The following GPC5 variants were observed in gnomAD, a reference collection of about 807,000 sequenced individuals.
GPC5 encodes glypican-5.
GPC5 carries 47 observed loss-of-function variants against 53.9 expected under a neutral mutation model. That is an observed-to-expected ratio of 0.87 (90% CI 0.69 to 1.11). GPC5 has a LOEUF of 1.11. Ranked by LOEUF, GPC5 falls within the 50% of genes most tolerant of loss-of-function variation. The pLI is 0.00. For missense variants in GPC5, 748 were observed against 713.1 expected, an observed-to-expected ratio of 1.05 and a Z score of -0.56; for synonymous variants, 286 against 263.3, an observed-to-expected ratio of 1.09 and a Z score of -0.84.
intron 2 of GPC5, among the ~76,000 whole-genome samples, chr13:91,643,698 G>A (rs1263077718): frequency 1.3e-5 from 2 of 152,086 alleles, no homozygotes; most frequent in African/African-American, 2.4e-5. Flanking sequence ...CAGCTTGCTG[G>A]CAATGGCATT....
At chr13:92,850,961 C>T (rs776107684) in intron 7 of GPC5, among the ~76,000 whole-genome samples, 3 of 152,172 alleles carry the variant, frequency 2.0e-5, no homozygotes, top group African/African-American at 4.8e-5. Context: ...TAAATTGGCT[C>T]ATGGTTCTTT....
At chr13:92,304,440 G>A (rs2043097197) in intron 7 of GPC5, among the ~76,000 whole-genome samples, 1 of 151,986 alleles carries the variant, frequency 6.6e-6, no homozygotes, top group South Asian at 2.1e-4. Flanking sequence ...TCCTGACCTT[G>A]TGATCCGCCT....
At chr13:91,529,592 T>A (rs77918584) in intron 2 of GPC5, among the ~76,000 whole-genome samples, 1 of 150,178 alleles carries the variant, frequency 6.7e-6, no homozygotes, top group East Asian at 2.0e-4. Flanking sequence ...AAAGTAATCA[T>A]GCAGTAAGTG....
intron 7 of GPC5, among the ~76,000 whole-genome samples, chr13:92,164,596 GGT>G (rs1399376250): frequency 1.3e-5 from 2 of 152,162 alleles, no homozygotes; most frequent in Non-Finnish European, 2.9e-5. Flanking sequence ...TTCACAGGCT[GGT>G]GTTGAGTGTC....
intron 7 of GPC5, among the ~76,000 whole-genome samples, chr13:92,436,067 T>A (rs552040002): frequency 6.6e-6 from 1 of 152,332 alleles, no homozygotes; most frequent in Admixed American, 6.5e-5. Context: ...TATTTTGATA[T>A]TAAAATTATT....
intron 7 of GPC5, among the ~76,000 whole-genome samples, chr13:92,395,907 GTT>G (rs71123404): frequency 3.8e-4 from 50 of 130,654 alleles, no homozygotes; most frequent in African/African-American, 1.2e-3. Context: ...GTTTGTTTCT[GTT>G]TTTTTTTTTT....
At chr13:91,675,117 T>C (rs2035351921) in intron 2 of GPC5, among the ~76,000 whole-genome samples, 2 of 151,654 alleles carry the variant, frequency 1.3e-5, no homozygotes, top group Admixed American at 1.3e-4. Flanking sequence ...CTTTCTTCCT[T>C]TCCCTAGGGC....
chr13:91,432,957 G>A (rs536254431), intron 1 of GPC5, among the ~76,000 whole-genome samples: 5 of 152,116 alleles, frequency 3.3e-5, no homozygotes, highest in African/African-American at 1.2e-4. Context: ...TGCCCTTAGG[G>A]AGAAAGGAAA....
chr13:92,752,008 A>G (rs1306228230), intron 7 of GPC5, among the ~76,000 whole-genome samples: 7 of 151,994 alleles, frequency 4.6e-5, no homozygotes. Context: ...ATATAATAGT[A>G]TCTGTTTTAA....
At chr13:91,725,736 C>T (rs1159705273) in intron 3 of GPC5, among the ~76,000 whole-genome samples, 1 of 152,094 alleles carries the variant, frequency 6.6e-6, no homozygotes, top group Non-Finnish European at 1.5e-5. Context: ...GAAACATGTT[C>T]AATAAATAGC....
At position 92,410,458 on chromosome 13, in the gene GPC5, C is replaced by T. The variant is rs1336240392; in HGVS notation, c.1561+265469C>T. On this transcript the variant is annotated intron_variant, in intron 7 of 7. Transcript: ENST00000377067. Reference sequence around the variant, plus strand: ...TTTATCCTGTTCACTCATTTGAGGACAACTGTACTACCAGAAAGGGAACTA... The same window carrying T: ...TTTATCCTGTTCACTCATTTGAGGATAACTGTACTACCAGAAAGGGAACTA... Among the ~76,000 whole-genome samples, 4 of 152,170 alleles carry T rather than the reference C, an allele frequency of 2.6e-5. No individual in the cohort carries two copies. The South Asian group carries it at 8.3e-4, about 31-fold the overall frequency.
chr13:91,885,931 G>A (rs2039316857), intron 5 of GPC5, among the ~76,000 whole-genome samples: 1 of 151,900 alleles, frequency 6.6e-6, no homozygotes, highest in Admixed American at 6.6e-5. Context: ...CTTCAGCATG[G>A]AGGTTCCTTT....
chr13:92,751,803 A>T (rs1352444364), intron 7 of GPC5, among the ~76,000 whole-genome samples: 1 of 152,036 alleles, frequency 6.6e-6, no homozygotes, highest in Non-Finnish European at 1.5e-5. Context: ...ATGACTTAAA[A>T]CATTAAGTTT....
intron 6 of GPC5, among the ~76,000 whole-genome samples, chr13:92,076,997 T>C (rs1291854739): frequency 6.6e-6 from 1 of 152,190 alleles, no homozygotes; most frequent in African/African-American, 2.4e-5. Context: ...AACCTGAACA[T>C]GCCCTTTCCT....
intron 7 of GPC5, among the ~76,000 whole-genome samples, chr13:92,148,320 CAG>C (rs1048913063): frequency 3.3e-5 from 5 of 152,090 alleles, no homozygotes; most frequent in African/African-American, 1.2e-4. Flanking sequence ...TATCAGATGA[CAG>C]AGGGGTCTCT....
intron 7 of GPC5, among the ~76,000 whole-genome samples, chr13:92,634,799 T>C (rs1391802498): frequency 1.3e-5 from 2 of 152,038 alleles, no homozygotes; most frequent in Non-Finnish European, 2.9e-5. Context: ...TGACATCACT[T>C]ATTATTCTAT....
intron 7 of GPC5, among the ~76,000 whole-genome samples, chr13:92,301,936 C>A (rs2043078691): frequency 6.6e-6 from 1 of 151,842 alleles, no homozygotes; most frequent in Admixed American, 6.6e-5. Flanking sequence ...TAATATCGAC[C>A]ACAGCTCTCA....
chr13:91,704,159 T>C (rs1307944984), intron 3 of GPC5, among the ~76,000 whole-genome samples: 1 of 152,178 alleles, frequency 6.6e-6, no homozygotes, highest in African/African-American at 2.4e-5. Flanking sequence ...ATGTACCTTT[T>C]TATCTAGGTG....
chr13:91,732,715 G>A (rs1158762524), intron 4 of GPC5, among the ~76,000 whole-genome samples: 4 of 152,042 alleles, frequency 2.6e-5, no homozygotes, highest in Admixed American at 6.5e-5. Context: ...GTAAGGAAGG[G>A]GTCCAGTTTC....
Sources: allele counts gnomAD v4.1 joint callset (sites outside exome capture counted in the v4.1 genomes callset), GRCh38; gene constraint gnomAD v4.1.1; transcripts MANE v1.5; gene names NCBI Gene and HGNC (gene_info 2026-07-23, HGNC 2026-07-21).